Variants in LRRC75B observed in about 807,000 individuals in gnomAD.
LRRC75B encodes leucine-rich repeat-containing protein 75B.
In LRRC75B, 20 loss-of-function variants were observed where a neutral mutation model predicts 16.5. The ratio of observed to expected loss-of-function variants is 1.21; its 90% confidence interval spans 0.85 to 1.76. The LOEUF (loss-of-function observed/expected upper bound fraction) is 1.76. LRRC75B is among the 40% of genes most tolerant of loss of function. The pLI is 0.00. For missense variants in LRRC75B, 406 were observed against 417.0 expected, an observed-to-expected ratio of 0.97 and a Z score of 0.23; for synonymous variants, 199 against 198.1, an observed-to-expected ratio of 1.00 and a Z score of -0.04.
In LRRC75B at chr22:24,585,865, A is replaced by G. The variant is rs1208857847; in HGVS notation, c.*21T>C. ...TTGAGAGCATCACAAGTCAGTAGCA[A>G]TGAGCCAGGTGGGTGGTGGGTCACC... On this transcript the variant is annotated 3_prime_UTR_variant, in exon 4 of 4. Transcript: ENST00000318753. 1 of 1,551,656 alleles carries G rather than the reference A, an allele frequency of 6.4e-7. No individual in the cohort carries two copies. The highest frequency in any genetic ancestry group is 8.7e-7 in the Non-Finnish European group (1 of 1,150,748).
At position 24,589,806 on chromosome 22, in the gene LRRC75B, G is replaced by A. The variant is rs1230175432; in HGVS notation, c.306+15C>T. The A allele has an allele frequency of 6.2e-7, 1 of 1,607,076 alleles. No homozygotes were observed. The highest frequency in any genetic ancestry group is 8.5e-7 in the Non-Finnish European group (1 of 1,177,468). On this transcript the variant is annotated intron_variant, in intron 2 of 3. Coordinates refer to ENST00000318753, the MANE Select transcript of LRRC75B (RefSeq NM_207644.3). The stretch of plus-strand genomic sequence containing the variant: ...CCACAGTGCCCAGCCCAGGGCCCGT[G>A]CCTGCCAGCCTCACCTTCTTGGGGC...
intron 1 of LRRC75B, among the ~76,000 whole-genome samples, chr22:24,590,973 C>T (rs1487868936): frequency 2.6e-5 from 4 of 152,248 alleles, no homozygotes; most frequent in African/African-American, 9.6e-5. Flanking sequence ...CTACCCATCC[C>T]TCACCCCACC....
intron 2 of LRRC75B, chr22:24,589,557 G>T: frequency 2.1e-6 from 1 of 472,322 alleles, no homozygotes; most frequent in Non-Finnish European, 3.4e-6. Flanking sequence ...TGGGCCCCCA[G>T]GCCTGGTGCA....
At chr22:24,588,475 TCCTACCCCCCAA>T (rs1438387827) in intron 2 of LRRC75B, 146 bp from the exon 3 acceptor site, 1 of 771,722 alleles carries the variant, frequency 1.3e-6, no homozygotes, top group East Asian at 2.7e-5. Context: ...GGCCTCCCCC[TCCTACCCCCCAA>T]CCCGGCTGTG....
intron 2 of LRRC75B, chr22:24,588,869 GCTCT>G (rs1028309942): frequency 3.0e-6 from 3 of 1,007,336 alleles, no homozygotes; most frequent in South Asian, 8.4e-5. Context: ...CCACCACCTG[GCTCT>G]CTCTCAGTCC....
chr22:24,588,325 T>C lies in LRRC75B; in HGVS notation c.311A>G (p.Tyr104Cys), dbSNP rs759699837. Reference protein sequence around the residue: ...ARDLQCPKKDYELWKSSDKIC... With the variant: ...ARDLQCPKKDCELWKSSDKIC... The stretch of plus-strand genomic sequence containing the variant: ...CTTGTCCGAGGACTTCCAGAGCTCA[T>C]AGTCCTGTGGGAGGGCAGTGTCACC... The change falls in exon 3 of 4, where the codon TAT becomes TGT. Residue 104 changes from tyrosine (Y) to cysteine (C), a missense_variant. Transcript: ENST00000318753. 22 of 1,610,354 alleles carry C rather than the reference T, an allele frequency of 1.4e-5. No homozygotes were observed. Among genetic ancestry groups the C allele is most frequent in the Non-Finnish European group, 1.7e-5 (20 of 1,177,568 alleles).
intron 2 of LRRC75B, 141 bp from the exon 3 acceptor site, chr22:24,588,470 C>A: frequency 1.3e-6 from 1 of 759,600 alleles, no homozygotes; most frequent in Non-Finnish European, 2.2e-6. Flanking sequence ...ACCAGGGCCT[C>A]CCCCTCCTAC....
chr22:24,589,949 C>T lies in LRRC75B; in HGVS notation c.178G>A (p.Asp60Asn). The part of the protein sequence containing the change: ...ARQLLRLLRQ[D>N]LGLERTLLPD... ...AGGAGGGTCCTCTCAAGGCCCAGGT[C>T]CTGTGAGTGGTGAAGAGAGAGTTGA... Residue 60 changes from aspartate (D) to asparagine (N), a missense_variant and splice_region_variant, in exon 2 of 4, where the codon GAC (aspartate) becomes AAC (asparagine). By Grantham distance (23) the Asp-to-Asn change is conservative (BLOSUM62 1). Coordinates refer to ENST00000318753, the MANE Select transcript of LRRC75B (RefSeq NM_207644.3). 1 of 1,591,664 alleles carries T rather than the reference C, an allele frequency of 6.3e-7. No individual in the cohort carries two copies. The highest frequency in any genetic ancestry group is 2.3e-5 in the East Asian group (1 of 44,084).
intron 3 of LRRC75B, 117 bp downstream of exon 3, chr22:24,588,097 G>C (rs2045452905): frequency 1.3e-6 from 1 of 792,410 alleles, no homozygotes; most frequent in Non-Finnish European, 2.1e-6. Flanking sequence ...TGCGGACCAG[G>C]TGAGGGCCTC....
chr22:24,586,762 C>T (rs1230967154), intron 3 of LRRC75B, among the ~76,000 whole-genome samples: 2 of 152,214 alleles, frequency 1.3e-5, no homozygotes, highest in Non-Finnish European at 2.9e-5. Context: ...AACTCCTGAC[C>T]TCAGGTGATC....
chr22:24,586,750 C>T (rs188703428), intron 3 of LRRC75B, among the ~76,000 whole-genome samples: 11 of 152,312 alleles, frequency 7.2e-5, no homozygotes, highest in Middle Eastern at 3.4e-3. Flanking sequence ...AGGCTGGTCT[C>T]GAACTCCTGA....
At chr22:24,591,677 G>A (rs1569038836) in intron 1 of LRRC75B, among the ~76,000 whole-genome samples, 1 of 152,242 alleles carries the variant, frequency 6.6e-6, no homozygotes, top group African/African-American at 2.4e-5. Context: ...CCCAACTGGT[G>A]TCTTGGACTC....
At chr22:24,592,409 A>C (rs1347342663) in intron 1 of LRRC75B, 1 of 470,544 alleles carries the variant, frequency 2.1e-6, no homozygotes, top group Non-Finnish European at 4.4e-6. Context: ...TCCAGGGTCC[A>C]CTGTCTCCCG....
intron 2 of LRRC75B, chr22:24,589,477 G>T: frequency 1.5e-6 from 1 of 650,818 alleles, no homozygotes; most frequent in Non-Finnish European, 2.0e-6. Context: ...TCCGTTGGTG[G>T]ATTTCTCAGA....
Position 24,592,886 on chromosome 22 carries a change from G to A in LRRC75B, c.154C>T (p.Gln52Ter). Reference protein sequence around the residue: ...LRERRPERARQLLRLLRQDLG... With the variant: ...LRERRPERAR ...GCCTGGCGCAGGAGGCGCAGCAGCT[G>A]CCGGGCGCGCTCCGGCCGCCGCTCG... The change falls in exon 1 of 4, where the codon CAG becomes TAG. Residue 52 changes from glutamine (Q) to a stop codon, truncating the protein, a stop_gained. Transcript: ENST00000318753. LOFTEE classifies it high-confidence loss of function. The A allele has an allele frequency of 7.8e-7, 1 of 1,281,756 alleles. No homozygotes were observed. Among genetic ancestry groups the A allele is most frequent in the Non-Finnish European group, 9.9e-7 (1 of 1,014,180 alleles). 79.4% of individuals were successfully genotyped at this position (1,281,756 alleles called of 1,614,324 possible). A position where few individuals can be genotyped will look rare whatever the true frequency, so the allele number is the denominator to read the frequency against.
At chr22:24,590,405 C>T (rs1322330360) in intron 1 of LRRC75B, among the ~76,000 whole-genome samples, 1 of 152,196 alleles carries the variant, frequency 6.6e-6, no homozygotes, top group Non-Finnish European at 1.5e-5. Context: ...AGGTGTGAGC[C>T]ACTCAGCCTT....
intron 1 of LRRC75B, among the ~76,000 whole-genome samples, chr22:24,591,349 G>T (rs541285772): frequency 6.6e-6 from 1 of 152,362 alleles, no homozygotes; most frequent in South Asian, 2.1e-4. Context: ...AAAGTGCTGG[G>T]ATTATAGGCG....
chr22:24,592,900 G>A lies in LRRC75B; in HGVS notation c.140C>T (p.Pro47Leu). 7.8e-7 allele frequency: 1 copy of A among 1,281,082 alleles called. No individual in the cohort carries two copies. Among genetic ancestry groups the A allele is most frequent in the African/African-American group, 1.6e-5 (1 of 64,410 alleles). The allele number at this position is 1,281,082 out of a possible 1,614,324, so 79.4% of individuals were successfully genotyped here. A position where few individuals can be genotyped will look rare whatever the true frequency, so the allele number is the denominator to read the frequency against. ...GCGCAGCAGCTGCCGGGCGCGCTCCGGCCGCCGCTCGCGGAGCGTGGACTG... is the reference window on the plus strand; with the variant it reads ...GCGCAGCAGCTGCCGGGCGCGCTCCAGCCGCCGCTCGCGGAGCGTGGACTG... ...EIQSTLRERR[P>L]ERARQLLRLL... is the part of the protein sequence containing the mutation. Residue 47 changes from proline (P) to leucine (L), a missense_variant, in exon 1 of 4, where the codon CCG becomes CTG. Transcript: ENST00000318753.
rs202119783 is a variant in LRRC75B at position 24,586,130 on chromosome 22, G to A, written c.704C>T (p.Thr235Ile). The change falls in exon 4 of 4, where the codon ACC (threonine) becomes ATC (isoleucine). Residue 235 changes from threonine (T) to isoleucine (I), a missense_variant. By Grantham distance (89) the Thr-to-Ile change is moderately conservative (BLOSUM62 -1). Transcript: ENST00000318753. ...CCAAGCCAAAGCAGGGAACTTGGTG[G>A]TGTCCTTGATGGCATCAGTGAGCTT... ...ARKLTDAIKD[T>I]TKFPALAWVD... 1.1e-4 allele frequency: 182 copies of A among 1,613,166 alleles called. No homozygotes were observed. The highest frequency in any genetic ancestry group is 1.3e-4 in the Non-Finnish European group (159 of 1,179,972).
Sources: allele counts gnomAD v4.1 joint callset (sites outside exome capture counted in the v4.1 genomes callset), GRCh38; gene constraint gnomAD v4.1.1; transcripts MANE v1.5; gene names NCBI Gene and HGNC (gene_info 2026-07-23, HGNC 2026-07-21).